The following AKAP3 variants were observed in gnomAD, a reference collection of about 807,000 sequenced individuals.
AKAP3 encodes the protein A-kinase anchor protein 3.
In AKAP3, 27 loss-of-function variants were observed where a neutral mutation model predicts 57.2. That is an observed-to-expected ratio of 0.47 (90% CI 0.35 to 0.65). The LOEUF (loss-of-function observed/expected upper bound fraction) is 0.65. AKAP3 is among the 30% of genes least tolerant of loss of function. AKAP3 has a pLI of 0.01. For synonymous variants in AKAP3, 334 were observed against 392.3 expected (o/e 0.85, Z 1.76); for missense variants, 959 against 1,040.0 (o/e 0.92, Z 1.07).
At chr12:4,641,493 G>A (rs748435171) in intron 3 of AKAP3, among the ~76,000 whole-genome samples, 14 of 152,124 alleles carry the variant, frequency 9.2e-5, no homozygotes, top group Admixed American at 3.9e-4. Context: ...CACTGCACCC[G>A]GCCAGATTTC....
chr12:4,624,316 C>CGTGT (rs71061197), intron 5 of AKAP3, among the ~76,000 whole-genome samples: 33 of 43,056 alleles, frequency 7.7e-4, no homozygotes, highest in African/African-American at 2.0e-3. Context: ...TGTGACTTTA[C>CGTGT]GTGTGTGTGT....
At position 4,638,168 on chromosome 12, in the gene AKAP3, C is replaced by T. The variant is rs893921051; in HGVS notation, c.29G>A (p.Ser10Asn). 1.7e-5 allele frequency: 27 copies of T among 1,612,546 alleles called. No homozygotes were observed. The highest frequency in any genetic ancestry group is 2.3e-5 in the Non-Finnish European group (27 of 1,179,606). Reference sequence around the variant, plus strand: ...ATCAACTTTGCATACTCCATTTTGGCTTTGTAACCAGTCAACCTTTTCTGA... The same window carrying T: ...ATCAACTTTGCATACTCCATTTTGGTTTTGTAACCAGTCAACCTTTTCTGA... Reference protein sequence around the residue: MSEKVDWLQSQNGVCKVDVY... With the variant: MSEKVDWLQNQNGVCKVDVY... The change falls in exon 4 of 6, where the codon AGC becomes AAC. Residue 10 changes from serine to asparagine, a missense_variant. Coordinates refer to ENST00000228850, the MANE Select transcript of AKAP3 (RefSeq NM_001278309.2).
At chr12:4,629,514 A>G (rs926934090) in intron 4 of AKAP3, among the ~76,000 whole-genome samples, 7 of 152,186 alleles carry the variant, frequency 4.6e-5, no homozygotes, top group African/African-American at 1.4e-4. Context: ...GGACAAGGAA[A>G]AATAACTAAT....
chr12:4,626,916 A>G lies in AKAP3; in HGVS notation c.1986T>C (p.Asp662=), dbSNP rs753316935. 35 of 1,614,022 alleles carry G rather than the reference A, an allele frequency of 2.2e-5. No individual in the cohort carries two copies. The South Asian group carries it at 3.7e-4, about 17-fold the overall frequency. The stretch of plus-strand genomic sequence containing the variant: ...CTACCATCTGCCCACTCATGTGGCC[A>G]TCTATCTGGCTGACAGCCATCTTGG... ...GLTKMAVSQI[D]GHMSGQMVEH... The change falls in exon 5 of 6, where the codon GAT becomes GAC. Residue 662 remains aspartate (D), a synonymous_variant. Transcript: ENST00000228850.
chr12:4,622,975 C>T (rs1038420641), intron 5 of AKAP3, among the ~76,000 whole-genome samples: 2 of 152,160 alleles, frequency 1.3e-5, no homozygotes, highest in Admixed American at 6.5e-5. Context: ...CACAAACAGA[C>T]TCTTTGCAAA....
intron 4 of AKAP3, among the ~76,000 whole-genome samples, chr12:4,637,432 T>G (rs1945580599): frequency 6.6e-6 from 1 of 152,214 alleles, no homozygotes; most frequent in Non-Finnish European, 1.5e-5. Flanking sequence ...ACTTAGTTTC[T>G]TCCTTGTTTA....
At chr12:4,645,224 A>G (rs1473348641) in intron 1 of AKAP3, 32 bp from the exon 2 acceptor site, 1 of 152,226 alleles carries the variant, frequency 6.6e-6, no homozygotes, top group Non-Finnish European at 1.5e-5. Context: ...ACAATTGGTG[A>G]TATCACTGTC....
At chr12:4,631,215 C>T (rs946976608) in intron 4 of AKAP3, 5 of 571,882 alleles carry the variant, frequency 8.7e-6, no homozygotes, top group Non-Finnish European at 1.6e-5. Context: ...TTATGTCTGA[C>T]CATTTGGTAA....
At chr12:4,632,448 C>T (rs1268226760) in intron 4 of AKAP3, among the ~76,000 whole-genome samples, 2 of 152,104 alleles carry the variant, frequency 1.3e-5, no homozygotes, top group East Asian at 1.9e-4. Flanking sequence ...TAACTGTTAA[C>T]TTTGGGTTAG....
intron 4 of AKAP3, among the ~76,000 whole-genome samples, chr12:4,634,403 G>A (rs1945538976): frequency 6.6e-6 from 1 of 152,154 alleles, no homozygotes; most frequent in African/African-American, 2.4e-5. Flanking sequence ...AAATATTACA[G>A]AAAAGTAATA....
At position 4,627,117 on chromosome 12, in the gene AKAP3, AAAG is replaced by A; in HGVS notation, c.1782_1784del (p.Phe595del). On this transcript the variant is annotated inframe_deletion, in exon 5 of 6. Transcript: ENST00000228850. ...CACTAAGTAAGTTCCGGATGAAATTAAAGAAAACACTCCTTAGGTCCTTCTTTT... is the reference window on the plus strand; with the variant it reads ...CACTAAGTAAGTTCCGGATGAAATTAAAAACACTCCTTAGGTCCTTCTTTT... 1 of 1,614,188 alleles carries A rather than the reference AAAG, an allele frequency of 6.2e-7. No homozygotes were observed. Among genetic ancestry groups the A allele is most frequent in the South Asian group, 1.1e-5 (1 of 91,082 alleles).
At chr12:4,631,677 T>C (rs1225959354) in intron 4 of AKAP3, among the ~76,000 whole-genome samples, 1 of 152,136 alleles carries the variant, frequency 6.6e-6, no homozygotes, top group Non-Finnish European at 1.5e-5. Flanking sequence ...CTCCTAATAC[T>C]TAAAATACTC....
At chr12:4,633,130 AC>A (rs1194412877) in intron 4 of AKAP3, among the ~76,000 whole-genome samples, 28 of 148,604 alleles carry the variant, frequency 1.9e-4, no homozygotes, top group Middle Eastern at 3.4e-3. Context: ...AAAAAAAAAA[AC>A]AAAAAACCCA....
chr12:4,635,255 T>C (rs1945549525), intron 4 of AKAP3: 1 of 294,620 alleles, frequency 3.4e-6, no homozygotes, highest in Non-Finnish European at 6.6e-6. Flanking sequence ...CTTTTGGAAG[T>C]CATACTGGGC....
rs1945735392 is a variant in AKAP3 at position 4,649,006 on chromosome 12, T to C, written c.-506A>G. 8 of 1,127,040 alleles carry C rather than the reference T, an allele frequency of 7.1e-6. No homozygotes were observed. The South Asian group carries it at 1.2e-4, about 17-fold the overall frequency. The allele number at this position is 1,127,040 out of a possible 1,614,324, so 69.8% of individuals were successfully genotyped here. A position where few individuals can be genotyped will look rare whatever the true frequency, so the allele number is the denominator to read the frequency against. On this transcript the variant is annotated 5_prime_UTR_variant, in exon 1 of 6. Transcript: ENST00000228850. ...TCCCAGCTTTCTTCTTAACCAACAATCTACCCGAAACCGTCGTTTCTTGGT... is the reference window on the plus strand; with the variant it reads ...TCCCAGCTTTCTTCTTAACCAACAACCTACCCGAAACCGTCGTTTCTTGGT...
chr12:4,644,807 G>A (rs945337009), intron 2 of AKAP3, among the ~76,000 whole-genome samples: 1 of 152,092 alleles, frequency 6.6e-6, no homozygotes, highest in African/African-American at 2.4e-5. Flanking sequence ...TCAGCTACTC[G>A]GGAGTCTGAG....
chr12:4,628,699 C>T lies in AKAP3; in HGVS notation c.203G>A (p.Gly68Asp), dbSNP rs1157156910. The change falls in exon 5 of 6, where the codon GGT becomes GAT. Residue 68 changes from glycine to aspartate, a missense_variant. Gly to Asp is a moderately conservative substitution (Grantham distance 94). Transcript: ENST00000228850. Reference protein sequence around the residue: ...DVRFKPGESFGGETSNSGDPH... With the variant: ...DVRFKPGESFDGETSNSGDPH... ...GTCTCCTGAGTTGGACGTTTCCCCACCAAATGATTCTCCGGGTTTGAACCG... is the reference window on the plus strand; with the variant it reads ...GTCTCCTGAGTTGGACGTTTCCCCATCAAATGATTCTCCGGGTTTGAACCG... The T allele has an allele frequency of 1.2e-6, 2 of 1,614,004 alleles. No homozygotes were observed. Among genetic ancestry groups the T allele is most frequent in the African/African-American group, 2.7e-5 (2 of 74,906 alleles).
chr12:4,616,059 T>G (rs1945281543), intron 5 of AKAP3, among the ~76,000 whole-genome samples, 165 bp from the exon 6 acceptor site: 1 of 152,240 alleles, frequency 6.6e-6, no homozygotes, highest in Non-Finnish European at 1.5e-5. Context: ...GTGACTTCAT[T>G]CTTAGTTTAA....
intron 5 of AKAP3, among the ~76,000 whole-genome samples, chr12:4,626,146 T>C (rs1010134144): frequency 6.6e-6 from 1 of 152,154 alleles, no homozygotes; most frequent in African/African-American, 2.4e-5. Context: ...TCCAGCTTCA[T>C]CTCATCCTTT....
Sources: allele counts gnomAD v4.1 joint callset (sites outside exome capture counted in the v4.1 genomes callset), GRCh38; gene constraint gnomAD v4.1.1; transcripts MANE v1.5; gene names NCBI Gene and HGNC (gene_info 2026-07-23, HGNC 2026-07-21).